The following EXOC4 variants were observed in gnomAD, a reference collection of about 807,000 sequenced individuals.
The protein encoded by EXOC4 is exocyst complex component 4, also known as SEC8-like 1.
A neutral mutation model predicts 107.2 loss-of-function variants in EXOC4; 71 were observed. The observed-to-expected ratio is 0.66, with a 90% confidence interval of 0.55 to 0.81. The LOEUF (loss-of-function observed/expected upper bound fraction) is 0.81. Among genes scored for constraint, EXOC4 ranks in the 30% least tolerant of loss-of-function variants. The pLI is 0.00. For synonymous variants in EXOC4, 456 were observed against 441.2 expected, an observed-to-expected ratio of 1.03 and a Z score of -0.42; for missense variants, 1,108 against 1,189.6, an observed-to-expected ratio of 0.93 and a Z score of 1.01.
At chr7:133,577,665 G>C (rs943747444) in intron 9 of EXOC4, among the ~76,000 whole-genome samples, 1 of 152,106 alleles carries the variant, frequency 6.6e-6, no homozygotes, top group African/African-American at 2.4e-5. Flanking sequence ...AAAATATCAA[G>C]GGTATGCTCT....
chr7:134,068,819 G>A (rs898562836), downstream of EXOC4, among the ~76,000 whole-genome samples: 1 of 152,162 alleles, frequency 6.6e-6, no homozygotes, highest in South Asian at 2.1e-4. Context: ...ACTTGAATTG[G>A]CAACCAAACC....
At chr7:133,742,512 G>T (rs1410312115) in intron 10 of EXOC4, among the ~76,000 whole-genome samples, 1 of 152,126 alleles carries the variant, frequency 6.6e-6, no homozygotes, top group Non-Finnish European at 1.5e-5. Context: ...GATGTTATTA[G>T]TATTCCATAA....
chr7:133,684,754 A>G (rs906622253), intron 10 of EXOC4, among the ~76,000 whole-genome samples: 2 of 152,180 alleles, frequency 1.3e-5, no homozygotes, highest in African/African-American at 2.4e-5. Context: ...AAAAACCAGA[A>G]CAGTAAATGG....
intron 10 of EXOC4, among the ~76,000 whole-genome samples, chr7:133,661,878 A>G (rs962174741): frequency 4.6e-5 from 7 of 152,058 alleles, no homozygotes; most frequent in Non-Finnish European, 1.0e-4. Context: ...TAGTACTTAG[A>G]GAGTAGTAAG....
intron 7 of EXOC4, among the ~76,000 whole-genome samples, chr7:133,432,120 T>C (rs1025550765): frequency 6.6e-6 from 1 of 152,116 alleles, no homozygotes; most frequent in African/African-American, 2.4e-5. Context: ...GTCTAGTCTA[T>C]CCCTTTAATG....
chr7:133,878,884 C>T (rs544646916), intron 11 of EXOC4, among the ~76,000 whole-genome samples: 1 of 152,194 alleles, frequency 6.6e-6, no homozygotes, highest in East Asian at 1.9e-4. Context: ...TCCACCATGC[C>T]TGGCTAATTT....
chr7:134,052,247 G>T (rs886521273), intron 17 of EXOC4, among the ~76,000 whole-genome samples: 3 of 152,182 alleles, frequency 2.0e-5, no homozygotes, highest in African/African-American at 7.2e-5. Flanking sequence ...AGGGTTTGGG[G>T]TTTGTTTCTT....
intron 17 of EXOC4, among the ~76,000 whole-genome samples, chr7:134,023,096 G>A (rs571399472): frequency 4.4e-4 from 67 of 152,214 alleles, no homozygotes; most frequent in African/African-American, 1.6e-3. Context: ...CCTCTGTATG[G>A]AAAATTGTGC....
chr7:133,462,211 G>C (rs976097901), intron 7 of EXOC4, among the ~76,000 whole-genome samples: 1 of 152,126 alleles, frequency 6.6e-6, no homozygotes, highest in Non-Finnish European at 1.5e-5. Flanking sequence ...ACTATAGTAA[G>C]TAGGTGGAAA....
chr7:133,702,513 T>A (rs934554120), intron 10 of EXOC4, among the ~76,000 whole-genome samples: 1 of 151,050 alleles, frequency 6.6e-6, no homozygotes, highest in Non-Finnish European at 1.5e-5. Context: ...CCAATTTTTT[T>A]TTTTGAATTG....
chr7:133,711,321 T>C (rs1794889005), intron 10 of EXOC4, among the ~76,000 whole-genome samples: 1 of 152,220 alleles, frequency 6.6e-6, no homozygotes, highest in Non-Finnish European at 1.5e-5. Context: ...TGGAGCTGGA[T>C]TGCAATGCTC....
chr7:134,026,456 C>T (rs1360258938), intron 17 of EXOC4, among the ~76,000 whole-genome samples: 2 of 150,866 alleles, frequency 1.3e-5, no homozygotes, highest in Non-Finnish European at 2.9e-5. Context: ...AAAAGTTGCT[C>T]AGTGTAATCT....
intron 7 of EXOC4, among the ~76,000 whole-genome samples, chr7:133,446,015 T>TAAAAAA (rs5887629): frequency 7.0e-6 from 1 of 141,912 alleles, no homozygotes. Flanking sequence ...AACCCTGTCT[T>TAAAAAA]AAAAAAAAAA....
intron 9 of EXOC4, among the ~76,000 whole-genome samples, chr7:133,599,373 T>C (rs1801754310): frequency 6.6e-6 from 1 of 152,222 alleles, no homozygotes; most frequent in South Asian, 2.1e-4. Context: ...CATAATGTCC[T>C]TGCTGAATGC....
At chr7:133,319,233 T>G (rs1204286495) in intron 5 of EXOC4, among the ~76,000 whole-genome samples, 2 of 152,240 alleles carry the variant, frequency 1.3e-5, no homozygotes, top group Non-Finnish European at 2.9e-5. Context: ...TAAAATAAGC[T>G]GAAATATGCC....
chr7:133,529,742 T>G (rs960306447), intron 9 of EXOC4, among the ~76,000 whole-genome samples: 6 of 152,106 alleles, frequency 3.9e-5, no homozygotes, highest in Non-Finnish European at 7.3e-5. Flanking sequence ...GCATGATTAT[T>G]TAGGGCAAAA....
chr7:133,902,866 C>A (rs370106617), intron 12 of EXOC4, among the ~76,000 whole-genome samples: 43 of 144,776 alleles, frequency 3.0e-4, no homozygotes, highest in South Asian at 6.4e-4. Flanking sequence ...AAAAACAAAA[C>A]AAAAAAAAAA....
intron 17 of EXOC4, among the ~76,000 whole-genome samples, chr7:134,028,688 T>C (rs1437678314): frequency 2.0e-5 from 3 of 152,224 alleles, no homozygotes; most frequent in Admixed American, 6.5e-5. Context: ...CTGCCTCCAA[T>C]GAAGATTTCT....
At chr7:133,979,174 C>T (rs534945360) in intron 14 of EXOC4, among the ~76,000 whole-genome samples, 1 of 152,112 alleles carries the variant, frequency 6.6e-6, no homozygotes, top group African/African-American at 2.4e-5. Context: ...ATTTATAATC[C>T]AATTTCTGTC....
Sources: allele counts gnomAD v4.1 joint callset (sites outside exome capture counted in the v4.1 genomes callset), GRCh38; gene constraint gnomAD v4.1.1; transcripts MANE v1.5; gene names NCBI Gene and HGNC (gene_info 2026-07-23, HGNC 2026-07-21).